Variants in LHX8 observed in about 807,000 individuals in gnomAD.
LHX8 encodes LIM/homeobox protein Lhx8.
LHX8 carries 12 observed loss-of-function variants against 40.3 expected under a neutral mutation model. That is an observed-to-expected ratio of 0.30 (90% CI 0.19 to 0.48). The LOEUF is 0.48. LHX8 is among the 20% of genes least tolerant of loss of function. The pLI is 0.99. For missense variants in LHX8, 344 were observed against 433.7 expected, an observed-to-expected ratio of 0.79 and a Z score of 1.84; for synonymous variants, 179 against 162.0, an observed-to-expected ratio of 1.10 and a Z score of -0.80.
At chr1:75,131,905 T>G (rs970256060), upstream of LHX8, 2 of 152,208 alleles carry the variant, frequency 1.3e-5, no homozygotes, top group Non-Finnish European at 2.9e-5. Flanking sequence ...TTTCAAATTT[T>G]CAATTTAGTA....
At chr1:75,144,406 T>C (rs145562295) in intron 6 of LHX8, among the ~76,000 whole-genome samples, 1 of 152,232 alleles carries the variant, frequency 6.6e-6, no homozygotes, top group East Asian at 1.9e-4. Context: ...AATTGTACAG[T>C]TTTTGAGTAG....
the LHX8 span, among the ~76,000 whole-genome samples, chr1:75,183,675 C>T: frequency 6.2e-4 from 95 of 152,274 alleles, no homozygotes; most frequent in African/African-American, 2.2e-3. Context: ...CAAAAACACA[C>T]TTAAGTGAAC....
chr1:75,181,683 G>A, the LHX8 span, among the ~76,000 whole-genome samples: 1 of 152,134 alleles, frequency 6.6e-6, no homozygotes, highest in Non-Finnish European at 1.5e-5. Context: ...CCCTGCTTTG[G>A]CTGGCTCTCC....
At chr1:75,198,579 C>T in the LHX8 span, among the ~76,000 whole-genome samples, 1 of 152,144 alleles carries the variant, frequency 6.6e-6, no homozygotes, top group African/African-American at 2.4e-5. Context: ...CGTTGGAAAG[C>T]TCCCCTTGGC....
At chr1:75,129,789 T>C (rs961006036), upstream of LHX8, among the ~76,000 whole-genome samples, 5 of 152,174 alleles carry the variant, frequency 3.3e-5, no homozygotes, top group African/African-American at 1.2e-4. Context: ...AGGAGAAGCC[T>C]GAAGGGCCTC....
chr1:75,175,307 C>T, the LHX8 span, among the ~76,000 whole-genome samples: 1 of 152,128 alleles, frequency 6.6e-6, no homozygotes. Flanking sequence ...AATTCTTTTT[C>T]ACTGGGAAGA....
intron 3 of LHX8, among the ~76,000 whole-genome samples, chr1:75,138,286 G>C (rs1001926289): frequency 6.6e-6 from 1 of 152,082 alleles, no homozygotes; most frequent in African/African-American, 2.4e-5. Flanking sequence ...ACCCTGCTTA[G>C]GTTTTCAAAA....
chr1:75,129,745 C>A (rs1316169927), upstream of LHX8, among the ~76,000 whole-genome samples: 4 of 152,108 alleles, frequency 2.6e-5, no homozygotes, highest in Non-Finnish European at 5.9e-5. Context: ...TCAGACATCC[C>A]TGGGGAAGTG....
chr1:75,130,566 C>A, upstream of LHX8: 1 of 794,456 alleles, frequency 1.3e-6, no homozygotes. Context: ...GACGGAGGCC[C>A]TCGCCCGCTT....
In LHX8 at chr1:75,161,164, T is replaced by C. The variant is rs1167426703; in HGVS notation, c.*269T>C. On this transcript the variant is annotated 3_prime_UTR_variant, in exon 9 of 9. Coordinates refer to ENST00000356261, the MANE Select transcript of LHX8 (RefSeq NM_001256114.2). ...AATAGTTCACTCTAGTGTGTATCTG[T>C]TAATTTATTTGTCATCAAAAGAGCA... 2.6e-6 allele frequency: 1 copy of C among 390,864 alleles called. No homozygotes were observed. The highest frequency in any genetic ancestry group is 4.7e-6 in the Non-Finnish European group (1 of 214,274). 24.2% of individuals were successfully genotyped at this position (390,864 alleles called of 1,614,324 possible).
chr1:75,181,782 A>G, the LHX8 span, among the ~76,000 whole-genome samples: 1 of 152,134 alleles, frequency 6.6e-6, no homozygotes, highest in East Asian at 1.9e-4. Context: ...TTCTGCATCG[A>G]TCATACTGAC....
the LHX8 span, among the ~76,000 whole-genome samples, chr1:75,175,283 T>C: frequency 6.6e-6 from 1 of 152,226 alleles, no homozygotes. Flanking sequence ...TGCAAATGTC[T>C]TTTTCATGTA....
At chr1:75,142,909 A>G (rs1197965852) in intron 4 of LHX8, among the ~76,000 whole-genome samples, 3 of 152,184 alleles carry the variant, frequency 2.0e-5, no homozygotes, top group Admixed American at 2.0e-4. Context: ...TCTTATTTTT[A>G]TAAACAGCTT....
intron 7 of LHX8, among the ~76,000 whole-genome samples, chr1:75,155,258 G>A (rs1158463464): frequency 2.6e-5 from 3 of 113,756 alleles, no homozygotes; most frequent in Non-Finnish European, 5.0e-5. Flanking sequence ...TTTTTGAGAC[G>A]GAGTCTCGCT....
intron 3 of LHX8, among the ~76,000 whole-genome samples, chr1:75,139,803 G>C (rs1439595765): frequency 6.6e-6 from 1 of 152,112 alleles, no homozygotes; most frequent in Non-Finnish European, 1.5e-5. Flanking sequence ...AAAACTTTCA[G>C]CTTCGAAGTA....
At chr1:75,144,556 G>T (rs563887642) in intron 6 of LHX8, among the ~76,000 whole-genome samples, 8 of 143,270 alleles carry the variant, frequency 5.6e-5, no homozygotes, top group African/African-American at 1.7e-4. Context: ...CCCTGAAAAG[G>T]GAGGGATTTT....
intron 7 of LHX8, among the ~76,000 whole-genome samples, chr1:75,153,400 G>A (rs955040386): frequency 1.3e-5 from 2 of 151,254 alleles, no homozygotes; most frequent in African/African-American, 4.9e-5. Flanking sequence ...CATCACGCCT[G>A]GCCTTTTTGT....
chr1:75,157,171 T>C (rs1299642154), intron 8 of LHX8, 95 bp downstream of exon 8: 10 of 1,368,280 alleles, frequency 7.3e-6, no homozygotes, highest in Non-Finnish European at 7.3e-6. Flanking sequence ...TTTTGAAATA[T>C]TACCTCAGTA....
At chr1:75,136,887 G>T (rs866958308) in intron 2 of LHX8, among the ~76,000 whole-genome samples, 198 bp downstream of exon 2, 6 of 151,770 alleles carry the variant, frequency 4.0e-5, no homozygotes, top group African/African-American at 1.5e-4. Context: ...GACTTCTGGG[G>T]TCCGAATAGG....
Sources: allele counts gnomAD v4.1 joint callset (sites outside exome capture counted in the v4.1 genomes callset), GRCh38; gene constraint gnomAD v4.1.1; transcripts MANE v1.5; gene names NCBI Gene and HGNC (gene_info 2026-07-23, HGNC 2026-07-21).